Variants in USP20 observed in about 807,000 individuals in gnomAD.
USP20 encodes the protein ubiquitin carboxyl-terminal hydrolase 20.
In USP20, 80 loss-of-function variants were observed where a neutral mutation model predicts 124.2. That is an observed-to-expected ratio of 0.64 (90% CI 0.54 to 0.78). The LOEUF is 0.78. Ranked by LOEUF, USP20 falls within the 30% of genes least tolerant of loss-of-function variation. The probability of loss-of-function intolerance (pLI) is 0.00; values close to 1 mark genes in which losing one functional copy is unlikely to be tolerated. For missense variants in USP20, 1,043 were observed against 1,244.4 expected (o/e 0.84, Z 2.44); for synonymous variants, 481 against 512.3 (o/e 0.94, Z 0.83).
At chr9:129,867,928 C>G in intron 10 of USP20, 77 bp from the exon 11 acceptor site, 2 of 1,509,928 alleles carry the variant, frequency 1.3e-6, no homozygotes, top group East Asian at 4.6e-5. Flanking sequence ...GGCTGGCGCT[C>G]TCATCAGCCA....
intron 9 of USP20, 92 bp from the exon 10 acceptor site, chr9:129,865,211 T>C (rs769014553): frequency 4.3e-6 from 6 of 1,394,770 alleles, no homozygotes; most frequent in Non-Finnish European, 6.1e-6. Context: ...CGCCACACTC[T>C]GATCCAGCCT....
Position 129,869,121 on chromosome 9 carries a change from A to G in USP20, c.1276+119A>G, listed in dbSNP as rs1359179110. 6 of 1,415,378 alleles carry G rather than the reference A, an allele frequency of 4.2e-6. No homozygotes were observed. In the African/African-American group the frequency reaches 5.7e-5, roughly 13 times the overall value. 87.7% of individuals were successfully genotyped at this position (1,415,378 alleles called of 1,614,324 possible). ...CGGGCTATGGGCTCCTCTCAGGTACACCCCTGAGACACCAGTGTGGGAGCC... is the reference window on the plus strand; with the variant it reads ...CGGGCTATGGGCTCCTCTCAGGTACGCCCCTGAGACACCAGTGTGGGAGCC... On this transcript the variant is annotated intron_variant, in intron 12 of 25. Coordinates refer to ENST00000372429, the MANE Select transcript of USP20 (RefSeq NM_001110303.4).
chr9:129,871,564 T>C (rs896085189), intron 15 of USP20, among the ~76,000 whole-genome samples: 2 of 152,188 alleles, frequency 1.3e-5, no homozygotes, highest in African/African-American at 2.4e-5. Flanking sequence ...CGTACTGGGT[T>C]CCACAGTGGC....
Position 129,876,988 on chromosome 9 carries a change from A to C in USP20, c.2409+750A>C, listed in dbSNP as rs1306818069. 5.9e-5 allele frequency among the ~76,000 whole-genome samples: 9 copies of C among 152,118 alleles called. No individual in the cohort carries two copies. The East Asian group carries it at 1.7e-3, about 29-fold the overall frequency. On this transcript the variant is annotated intron_variant, in intron 22 of 25. Transcript: ENST00000372429. ...ACCCTCCCTGCCCTGGGTGAGAACC[A>C]CTGGGCTCTACAGACTGCCCAAGAT...
Position 129,861,041 on chromosome 9 carries a change from C to T in USP20, c.427+8C>T, listed in dbSNP as rs2131067865. On this transcript the variant is annotated splice_region_variant and intron_variant, in intron 7 of 25. Transcript: ENST00000372429. ...ATGACCTGAAACCTCGAGGTAATGGCCCCCACAGCAGGGGAAGCTGATGGG... is the reference window on the plus strand; with the variant it reads ...ATGACCTGAAACCTCGAGGTAATGGTCCCCACAGCAGGGGAAGCTGATGGG... 6.2e-7 allele frequency: 1 copy of T among 1,612,424 alleles called. No individual in the cohort carries two copies. The highest frequency in any genetic ancestry group is 8.5e-7 in the Non-Finnish European group (1 of 1,178,570).
intron 9 of USP20, among the ~76,000 whole-genome samples, chr9:129,865,060 C>T (rs548076426): frequency 6.6e-6 from 1 of 152,310 alleles, no homozygotes; most frequent in African/African-American, 2.4e-5. Context: ...TTGTTGTGCA[C>T]CAGAAGGAAA....
chr9:129,876,849 G>A lies in USP20; in HGVS notation c.2409+611G>A, dbSNP rs2034431211. On this transcript the variant is annotated intron_variant, in intron 22 of 25. Coordinates refer to ENST00000372429, the MANE Select transcript of USP20 (RefSeq NM_001110303.4). ...TGGGCTGAATTATTCTTTATTGTGGGGCCGTCCTGTGCATTGTAGGATGTT... is the reference window on the plus strand; with the variant it reads ...TGGGCTGAATTATTCTTTATTGTGGAGCCGTCCTGTGCATTGTAGGATGTT... Among the ~76,000 whole-genome samples the A allele has an allele frequency of 2.0e-5, 3 of 152,070 alleles. No homozygotes were observed. The South Asian group carries it at 6.2e-4, about 32-fold the overall frequency.
chr9:129,855,217 G>A (rs933939616), intron 3 of USP20, among the ~76,000 whole-genome samples: 1 of 152,200 alleles, frequency 6.6e-6, no homozygotes, highest in Non-Finnish European at 1.5e-5. Context: ...GGATCATGAG[G>A]TCAGGAGATC....
At chr9:129,849,505 T>C (rs59077849) in intron 1 of USP20, among the ~76,000 whole-genome samples, 134 of 152,290 alleles carry the variant, frequency 8.8e-4, no homozygotes, top group African/African-American at 3.1e-3. Context: ...ACGCCTATAA[T>C]CTCAGCACTT....
chr9:129,852,391 T>C (rs1194376241), intron 2 of USP20, 149 bp from the exon 3 acceptor site: 6 of 641,422 alleles, frequency 9.4e-6, no homozygotes, highest in East Asian at 8.2e-5. Context: ...AAAGTGATGC[T>C]CAGAGAGGTT....
intron 22 of USP20, among the ~76,000 whole-genome samples, chr9:129,877,339 C>T (rs1253151368): frequency 6.6e-6 from 1 of 151,832 alleles, no homozygotes; most frequent in Admixed American, 6.6e-5. Flanking sequence ...GCCAACATGG[C>T]GAAACCCCAT....
At chr9:129,875,810 G>A (rs563481270) in intron 21 of USP20, among the ~76,000 whole-genome samples, 169 bp downstream of exon 21, 180 of 147,382 alleles carry the variant, frequency 1.2e-3, no homozygotes, top group African/African-American at 4.2e-3. Context: ...GACACATGTC[G>A]TTTGTGGGAA....
rs745619569 is a variant in USP20, at chr9:129,880,206, C to T, written c.2678C>T (p.Ala893Val). Residue 893 changes from alanine to valine, a missense_variant, in exon 25 of 26, where the codon GCG becomes GTG. Ala to Val is a moderately conservative substitution (Grantham distance 64). Coordinates refer to ENST00000372429, the MANE Select transcript of USP20 (RefSeq NM_001110303.4). ...GPEIAIRQSVAQPLGPENLHG... is the reference protein window; with the variant it reads ...GPEIAIRQSVVQPLGPENLHG... ...GAGATTGCCATCCGCCAGAGTGTGGCGCAGCCGCTGGGCCCAGAGAACCTG... is the reference window on the plus strand; with the variant it reads ...GAGATTGCCATCCGCCAGAGTGTGGTGCAGCCGCTGGGCCCAGAGAACCTG... 17 of 1,613,556 alleles carry T rather than the reference C, an allele frequency of 1.1e-5. No homozygotes were observed. The highest frequency in any genetic ancestry group is 4.5e-5 in the East Asian group (2 of 44,892).
At chr9:129,851,047 C>T (rs1367355878) in intron 2 of USP20, among the ~76,000 whole-genome samples, 1 of 152,088 alleles carries the variant, frequency 6.6e-6, no homozygotes, top group East Asian at 1.9e-4. Flanking sequence ...TTGGTTTGGA[C>T]CTTATTTGGC....
chr9:129,858,734 G>A (rs998886498), intron 6 of USP20, 136 bp downstream of exon 6: 1 of 1,310,020 alleles, frequency 7.6e-7, no homozygotes, highest in African/African-American at 1.5e-5. Context: ...GTTTTCAGGT[G>A]ACTTTGAGGA....
intron 2 of USP20, among the ~76,000 whole-genome samples, chr9:129,852,135 G>A (rs1205400645): frequency 6.6e-6 from 1 of 152,174 alleles, no homozygotes; most frequent in African/African-American, 2.4e-5. Context: ...TTCTCTGCCT[G>A]TATCCTTGGA....
Position 129,860,984 on chromosome 9 carries a change from G to A in USP20, c.378G>A (p.Val126=). ...CTCTGAAAGCTGTTCCTATTGCTGT[G>A]GCTGATGAAGGAGAGTCTGAGTCAG... ...SHPLKAVPIA[V]ADEGESESED... The change falls in exon 7 of 26, where the codon GTG becomes GTA. Residue 126 remains valine (V), a synonymous_variant. Coordinates refer to ENST00000372429, the MANE Select transcript of USP20 (RefSeq NM_001110303.4). 6.2e-7 allele frequency: 1 copy of A among 1,613,652 alleles called. No homozygotes were observed. Among genetic ancestry groups the A allele is most frequent in the Non-Finnish European group, 8.5e-7 (1 of 1,179,696 alleles).
chr9:129,848,726 C>T (rs946120121), intron 1 of USP20, among the ~76,000 whole-genome samples: 2 of 151,912 alleles, frequency 1.3e-5, no homozygotes, highest in African/African-American at 4.8e-5. Context: ...GAGATGATCA[C>T]TTACCAAAGA....
rs1292958654 is a variant in USP20, at chr9:129,868,307, G to T, written c.993G>T (p.Lys331Asn). Reference protein sequence around the residue: ...ISEKERMKDRKFSWGQQRTNS... With the variant: ...ISEKERMKDRNFSWGQQRTNS... ...AGAAGGAGCGGATGAAGGACCGCAA[G>T]TTCTCCTGGGGCCAGCAGCGTACAA... is the stretch of plus-strand genomic sequence containing the variant. The change falls in exon 11 of 26, where the codon AAG becomes AAT. Residue 331 changes from lysine to asparagine, a missense_variant. By Grantham distance (94) the Lys-to-Asn change is moderately conservative. Transcript: ENST00000372429. 2 of 1,613,904 alleles carry T rather than the reference G, an allele frequency of 1.2e-6. No homozygotes were observed. Among genetic ancestry groups the T allele is most frequent in the Admixed American group, 3.3e-5 (2 of 60,024 alleles).
Sources: allele counts gnomAD v4.1 joint callset (sites outside exome capture counted in the v4.1 genomes callset), GRCh38; gene constraint gnomAD v4.1.1; transcripts MANE v1.5; gene names NCBI Gene and HGNC (gene_info 2026-07-23, HGNC 2026-07-21).